The following TMEM107 variants were observed in gnomAD, a reference collection of about 807,000 sequenced individuals.
TMEM107 encodes transmembrane protein 107.
TMEM107 carries 18 observed loss-of-function variants against 16.8 expected under a neutral mutation model. That is an observed-to-expected ratio of 1.07 (90% CI 0.74 to 1.59). The LOEUF is 1.59. TMEM107 is among the 40% of genes most tolerant of loss of function. TMEM107 has a pLI of 0.00. For missense variants in TMEM107, 152 were observed against 175.4 expected (o/e 0.87, Z 0.75); for synonymous variants, 68 against 71.6 (o/e 0.95, Z 0.25).
chr17:8,173,499 G>A lies in TMEM107; in HGVS notation c.*704C>T, dbSNP rs9893248. Reference sequence around the variant, plus strand: ...GTGTTGCAAGTCCTGATTACGCAGAGACGTTAATCACGTTTCATGCATCTC... The same window carrying A: ...GTGTTGCAAGTCCTGATTACGCAGAAACGTTAATCACGTTTCATGCATCTC... On this transcript the variant is annotated 3_prime_UTR_variant, in exon 5 of 5. Transcript: ENST00000437139. 268 of 765,238 alleles carry A rather than the reference G, an allele frequency of 3.5e-4. No individual in the cohort carries two copies. In the East Asian group the frequency reaches 3.6e-3, roughly 10 times the overall value. The allele number at this position is 765,238 out of a possible 1,614,324, so 47.4% of individuals were successfully genotyped here.
Position 8,173,991 on chromosome 17 carries a change from A to C in TMEM107, c.*212T>G, listed in dbSNP as rs917401465. ...CAATTGTCCCCTAAAACTGTATATA[A>C]GTCTTAATGTTACTACAAAACATAT... On this transcript the variant is annotated 3_prime_UTR_variant, in exon 5 of 5. Coordinates refer to ENST00000437139, the MANE Select transcript of TMEM107 (RefSeq NM_183065.4). 9 of 574,242 alleles carry C rather than the reference A, an allele frequency of 1.6e-5. No individual in the cohort carries two copies. Among genetic ancestry groups the C allele is most frequent in the Non-Finnish European group, 2.8e-5 (9 of 321,864 alleles). The allele number at this position is 574,242 out of a possible 1,614,324, so 35.6% of individuals were successfully genotyped here. A position where few individuals can be genotyped will look rare whatever the true frequency, so the allele number is the denominator to read the frequency against.
In TMEM107 at chr17:8,173,278, A is replaced by C. The variant is rs933227085; in HGVS notation, c.*925T>G. ...GCCTAAATTCCAGAAAGCAACAAAA[A>C]CCAAATCACAATTTTCAAGAACAAA... On this transcript the variant is annotated 3_prime_UTR_variant, in exon 5 of 5. Coordinates refer to ENST00000437139, the MANE Select transcript of TMEM107 (RefSeq NM_183065.4). The C allele has an allele frequency of 1.9e-6, 1 of 532,910 alleles. No homozygotes were observed. Among genetic ancestry groups the C allele is most frequent in the Non-Finnish European group, 3.4e-6 (1 of 297,224 alleles). 33.0% of individuals were successfully genotyped at this position (532,910 alleles called of 1,614,324 possible). A position where few individuals can be genotyped will look rare whatever the true frequency, so the allele number is the denominator to read the frequency against.
In TMEM107 at chr17:8,173,615, T is replaced by G. The variant is rs756423917; in HGVS notation, c.*588A>C. On this transcript the variant is annotated 3_prime_UTR_variant, in exon 5 of 5. Transcript: ENST00000437139. ...CAGACAAACAGCCGACATTCTGCAC[T>G]CAGTGAAAAAGATTCCGTTACAAGC... is the stretch of plus-strand genomic sequence containing the variant. The G allele has an allele frequency of 4.0e-6, 3 of 753,320 alleles. No individual in the cohort carries two copies. In the African/African-American group the frequency reaches 5.1e-5, roughly 13 times the overall value. 46.7% of individuals were successfully genotyped at this position (753,320 alleles called of 1,614,324 possible).
Position 8,173,700 on chromosome 17 carries a change from G to T in TMEM107, c.*503C>A. 1 of 608,468 alleles carries T rather than the reference G, an allele frequency of 1.6e-6. No individual in the cohort carries two copies. Among genetic ancestry groups the T allele is most frequent in the East Asian group, 2.7e-5 (1 of 37,030 alleles). 37.7% of individuals were successfully genotyped at this position (608,468 alleles called of 1,614,324 possible). A position where few individuals can be genotyped will look rare whatever the true frequency, so the allele number is the denominator to read the frequency against. ...CCTATTATTTAGCGTCCTTCCAGTTGTTTTGCCATATTAGCTCGCACATTT... is the reference window on the plus strand; with the variant it reads ...CCTATTATTTAGCGTCCTTCCAGTTTTTTTGCCATATTAGCTCGCACATTT... On this transcript the variant is annotated 3_prime_UTR_variant, in exon 5 of 5. Coordinates refer to ENST00000437139, the MANE Select transcript of TMEM107 (RefSeq NM_183065.4).
At chr17:8,174,431 A>G in intron 4 of TMEM107, 89 bp downstream of exon 4, 3 of 1,398,302 alleles carry the variant, frequency 2.1e-6, no homozygotes, top group Non-Finnish European at 3.0e-6. Flanking sequence ...GGTATCTCAC[A>G]CATGGAGGAA....
At position 8,175,786 on chromosome 17, in the gene TMEM107, G is replaced by C; in HGVS notation, c.227C>G (p.Ser76Cys). ...GAGGCTCTGGGTGCTGTTGAACATG[G>C]AGACTCCTGAGAGGAAACCGGCCAG... ...VELAGFLSGV[S>C]MFNSTQSLIS... Residue 76 changes from serine (S) to cysteine (C), a missense_variant, in exon 3 of 5, where the codon TCC (serine) becomes TGC (cysteine). Transcript: ENST00000437139. The C allele has an allele frequency of 6.2e-7, 1 of 1,614,212 alleles. No homozygotes were observed. Among genetic ancestry groups the C allele is most frequent in the Non-Finnish European group, 8.5e-7 (1 of 1,180,036 alleles).
Position 8,176,011 on chromosome 17 carries a change from C to T in TMEM107, c.103G>A (p.Ala35Thr). ...LFWSRDSNIQ[A>T]CLPLTFTPEE... ...GGGGTGAACGTGAGAGGCAGGCAGG[C>T]CTGTATGTTGCTGTCCTGGGAGCAG... Residue 35 changes from alanine (A) to threonine (T), a missense_variant, in exon 2 of 5, where the codon GCC becomes ACC. By Grantham distance (58) the Ala-to-Thr change is moderately conservative. Coordinates refer to ENST00000437139, the MANE Select transcript of TMEM107 (RefSeq NM_183065.4). 6.2e-7 allele frequency: 1 copy of T among 1,614,176 alleles called. No homozygotes were observed. Among genetic ancestry groups the T allele is most frequent in the South Asian group, 1.1e-5 (1 of 91,084 alleles).
rs541201431 is a variant in TMEM107, at chr17:8,173,147, T to C, written c.*1056A>G. On this transcript the variant is annotated 3_prime_UTR_variant, in exon 5 of 5. Transcript: ENST00000437139. ...AATACCATCCTGAGGGCAACCACCA[T>C]GTGCACAAGACTGCAGATATTTACT... 8.1e-5 allele frequency: 23 copies of C among 284,526 alleles called. No homozygotes were observed. Among genetic ancestry groups the C allele is most frequent in the South Asian group, 3.4e-4 (8 of 23,362 alleles). 17.6% of individuals were successfully genotyped at this position (284,526 alleles called of 1,614,324 possible). A position where few individuals can be genotyped will look rare whatever the true frequency, so the allele number is the denominator to read the frequency against.
At position 8,173,413 on chromosome 17, in the gene TMEM107, G is replaced by C. The variant is rs767570674; in HGVS notation, c.*790C>G. The C allele has an allele frequency of 3.1e-5, 23 of 744,242 alleles. No homozygotes were observed. The highest frequency in any genetic ancestry group is 5.1e-5 in the African/African-American group (3 of 58,666). 46.1% of individuals were successfully genotyped at this position (744,242 alleles called of 1,614,324 possible). A position where few individuals can be genotyped will look rare whatever the true frequency, so the allele number is the denominator to read the frequency against. On this transcript the variant is annotated 3_prime_UTR_variant, in exon 5 of 5. Transcript: ENST00000437139. ...TTCATAGCTATGTTTGTGGATATCT[G>C]CTAATCAGCATAACACAAATGTAAG...
At position 8,174,124 on chromosome 17, in the gene TMEM107, T is replaced by C; in HGVS notation, c.*79A>G. On this transcript the variant is annotated 3_prime_UTR_variant, in exon 5 of 5. Transcript: ENST00000437139. ...AGTTTCCGAGGGGAAAACCGAAGCC[T>C]ATGCCTTCCTTCTTCCAGGAATACG... is the stretch of plus-strand genomic sequence containing the variant. 7.6e-7 allele frequency: 1 copy of C among 1,307,356 alleles called. No individual in the cohort carries two copies. Among genetic ancestry groups the C allele is most frequent in the Non-Finnish European group, 1.1e-6 (1 of 901,792 alleles). 81.0% of individuals were successfully genotyped at this position (1,307,356 alleles called of 1,614,324 possible).
Position 8,176,024 on chromosome 17 carries a change from G to C in TMEM107, c.90C>G (p.Asp30Glu), listed in dbSNP as rs752678483. Residue 30 changes from aspartate (D) to glutamate (E), a missense_variant and splice_region_variant, in exon 2 of 5, where the codon GAC becomes GAG. Coordinates refer to ENST00000437139, the MANE Select transcript of TMEM107 (RefSeq NM_183065.4). ...VVVITLFWSR[D>E]SNIQACLPLT... Reference sequence around the variant, plus strand: ...GAGGCAGGCAGGCCTGTATGTTGCTGTCCTGGGAGCAGGGCACAGGAAGAG... The same window carrying C: ...GAGGCAGGCAGGCCTGTATGTTGCTCTCCTGGGAGCAGGGCACAGGAAGAG... 3 of 1,614,218 alleles carry C rather than the reference G, an allele frequency of 1.9e-6. No homozygotes were observed. In the South Asian group the frequency reaches 3.3e-5, roughly 18 times the overall value.
rs776150352 is a variant in TMEM107 at position 8,173,603 on chromosome 17, G to A, written c.*600C>T. On this transcript the variant is annotated 3_prime_UTR_variant, in exon 5 of 5. Transcript: ENST00000437139. ...CACCTGACGATACAGACAAACAGCCGACATTCTGCACTCAGTGAAAAAGAT... is the reference window on the plus strand; with the variant it reads ...CACCTGACGATACAGACAAACAGCCAACATTCTGCACTCAGTGAAAAAGAT... 10 of 761,134 alleles carry A rather than the reference G, an allele frequency of 1.3e-5. No individual in the cohort carries two copies. The highest frequency in any genetic ancestry group is 2.2e-5 in the Non-Finnish European group (9 of 415,076). The allele number at this position is 761,134 out of a possible 1,614,324, so 47.1% of individuals were successfully genotyped here.
In TMEM107 at chr17:8,176,302, G is replaced by C. The variant is rs1288440626; in HGVS notation, c.-16C>G. Reference sequence around the variant, plus strand: ...CCCGGCCCATGGCCCTCGGGGACAAGGGCGGCGGTCTCTGAGGCTGGAAGT... The same window carrying C: ...CCCGGCCCATGGCCCTCGGGGACAACGGCGGCGGTCTCTGAGGCTGGAAGT... On this transcript the variant is annotated 5_prime_UTR_variant, in exon 1 of 5. Coordinates refer to ENST00000437139, the MANE Select transcript of TMEM107 (RefSeq NM_183065.4). The C allele has an allele frequency of 6.2e-7, 1 of 1,610,006 alleles. No homozygotes were observed. The highest frequency in any genetic ancestry group is 1.3e-5 in the African/African-American group (1 of 74,728).
chr17:8,176,142 G>A (rs753571297), intron 1 of TMEM107, 58 bp downstream of exon 1: 21 of 1,600,878 alleles, frequency 1.3e-5, no homozygotes, highest in African/African-American at 2.7e-5. Flanking sequence ...GGCAGGGTAG[G>A]ACTAGGACCA....
rs755373417 is a variant in TMEM107 at position 8,173,418 on chromosome 17, T to G, written c.*785A>C. 16 of 747,064 alleles carry G rather than the reference T, an allele frequency of 2.1e-5. No individual in the cohort carries two copies. The highest frequency in any genetic ancestry group is 2.0e-4 in the East Asian group (8 of 40,672). The allele number at this position is 747,064 out of a possible 1,614,324, so 46.3% of individuals were successfully genotyped here. On this transcript the variant is annotated 3_prime_UTR_variant, in exon 5 of 5. Coordinates refer to ENST00000437139, the MANE Select transcript of TMEM107 (RefSeq NM_183065.4). ...AGCTATGTTTGTGGATATCTGCTAA[T>G]CAGCATAACACAAATGTAAGTGATC...
chr17:8,172,874 A>AC lies in TMEM107; in HGVS notation c.*1328_*1329insG, dbSNP rs1362154809. Among the ~76,000 whole-genome samples, 55 of 148,806 alleles carry AC rather than the reference A, an allele frequency of 3.7e-4. 2 individuals carry two copies. The highest frequency in any genetic ancestry group is 1.3e-3 in the African/African-American group (53 of 40,644). ...CTGTCTCAAAAAAAAAAAAAAAAAAAACCAAAAGAGGGGGGTGGTCAACAT... is the reference window on the plus strand; with the variant it reads ...CTGTCTCAAAAAAAAAAAAAAAAAAACACCAAAAGAGGGGGGTGGTCAACAT... On this transcript the variant is annotated 3_prime_UTR_variant, in exon 5 of 5. Transcript: ENST00000437139.
At position 8,173,426 on chromosome 17, in the gene TMEM107, AC is replaced by A. The variant is rs760534185; in HGVS notation, c.*776del. The A allele has an allele frequency of 4.0e-6, 3 of 754,892 alleles. No individual in the cohort carries two copies. The Admixed American group carries it at 5.5e-5, about 14-fold the overall frequency. The allele number at this position is 754,892 out of a possible 1,614,324, so 46.8% of individuals were successfully genotyped here. On this transcript the variant is annotated 3_prime_UTR_variant, in exon 5 of 5. Transcript: ENST00000437139. Reference sequence around the variant, plus strand: ...TTGTGGATATCTGCTAATCAGCATAACACAAATGTAAGTGATCGTCAGAAAG... The same window carrying A: ...TTGTGGATATCTGCTAATCAGCATAAACAAATGTAAGTGATCGTCAGAAAG...
rs746503581 is a variant in TMEM107 at position 8,173,458 on chromosome 17, G to C, written c.*745C>G. Reference sequence around the variant, plus strand: ...TGTAAGTGATCGTCAGAAAGAATCAGACAGGAGCAATCAGGGTGTTGCAAG... The same window carrying C: ...TGTAAGTGATCGTCAGAAAGAATCACACAGGAGCAATCAGGGTGTTGCAAG... On this transcript the variant is annotated 3_prime_UTR_variant, in exon 5 of 5. Transcript: ENST00000437139. 13 of 763,882 alleles carry C rather than the reference G, an allele frequency of 1.7e-5. No individual in the cohort carries two copies. The highest frequency in any genetic ancestry group is 3.4e-5 in the African/African-American group (2 of 59,108). 47.3% of individuals were successfully genotyped at this position (763,882 alleles called of 1,614,324 possible). A position where few individuals can be genotyped will look rare whatever the true frequency, so the allele number is the denominator to read the frequency against.
rs1436521182 is a variant in TMEM107, at chr17:8,173,211, T to A, written c.*992A>T. ...TCCTGAGAAGTGAGGATTAAAGTTA[T>A]CAAACGACAAAAAACAAAGAGCCCA... On this transcript the variant is annotated 3_prime_UTR_variant, in exon 5 of 5. Transcript: ENST00000437139. 4.7e-6 allele frequency: 2 copies of A among 422,674 alleles called. No individual in the cohort carries two copies. Among genetic ancestry groups the A allele is most frequent in the South Asian group, 5.9e-5 (2 of 34,058 alleles). The allele number at this position is 422,674 out of a possible 1,614,324, so 26.2% of individuals were successfully genotyped here.
Sources: allele counts gnomAD v4.1 joint callset (sites outside exome capture counted in the v4.1 genomes callset), GRCh38; gene constraint gnomAD v4.1.1; transcripts MANE v1.5; gene names NCBI Gene and HGNC (gene_info 2026-07-23, HGNC 2026-07-21).